Variants in PTPN1 observed in about 807,000 individuals in gnomAD.
PTPN1 encodes tyrosine-protein phosphatase non-receptor type 1.
Under a neutral mutation model 59.9 loss-of-function variants are expected in PTPN1, and 12 were observed. The observed-to-expected ratio is 0.20, with a 90% CI of 0.13 to 0.32. The LOEUF is 0.32. PTPN1 is among the 10% of genes least tolerant of loss of function. The pLI, the probability that PTPN1 is intolerant of heterozygous loss-of-function variation, is 1.00. For missense variants in PTPN1, 356 were observed against 549.2 expected (o/e 0.65, Z 3.52); for synonymous variants, 178 against 203.6 (o/e 0.87, Z 1.07).
chr20:50,577,771 A>C (rs1353178262), intron 5 of PTPN1: 1 of 152,370 alleles, frequency 6.6e-6, no homozygotes, highest in Non-Finnish European at 1.5e-5. Context: ...CTCATCGGAA[A>C]ATGGATGGGA....
chr20:50,512,605 GTT>G (rs1275852684), intron 1 of PTPN1, among the ~76,000 whole-genome samples: 1 of 152,160 alleles, frequency 6.6e-6, no homozygotes, highest in Non-Finnish European at 1.5e-5. Context: ...CCCTGAGGTA[GTT>G]TCTTTTGGTC....
chr20:50,556,258 G>A (rs2082725424), intron 1 of PTPN1, among the ~76,000 whole-genome samples: 1 of 151,946 alleles, frequency 6.6e-6, no homozygotes, highest in Non-Finnish European at 1.5e-5. Flanking sequence ...ATGTGTTTAT[G>A]GGTCACTGCA....
chr20:50,552,101 G>A (rs370859078), intron 1 of PTPN1, among the ~76,000 whole-genome samples: 1 of 152,138 alleles, frequency 6.6e-6, no homozygotes, highest in Non-Finnish European at 1.5e-5. Context: ...TAGCTCCCCT[G>A]TGATACAGTT....
At chr20:50,538,447 G>C (rs2082633692) in intron 1 of PTPN1, among the ~76,000 whole-genome samples, 1 of 152,196 alleles carries the variant, frequency 6.6e-6, no homozygotes. Flanking sequence ...AACTAGTTAG[G>C]TGTGACTGTC....
In PTPN1 at chr20:50,583,374, A is replaced by G. The variant is rs1470215207; in HGVS notation, c.*659A>G. ...ACGTGAGAAGATAGAACAATGCTAT[A>G]ATATATAATGAACACGTGGGTATTT... On this transcript the variant is annotated 3_prime_UTR_variant, in exon 10 of 10. Transcript: ENST00000371621. 6.6e-6 allele frequency: 1 copy of G among 152,420 alleles called. No homozygotes were observed. Among genetic ancestry groups the G allele is most frequent in the Non-Finnish European group, 1.5e-5 (1 of 68,196 alleles). 9.4% of individuals were successfully genotyped at this position (152,420 alleles called of 1,614,324 possible).
rs889407151 is a variant in PTPN1, at chr20:50,583,165, T to G, written c.*450T>G. On this transcript the variant is annotated 3_prime_UTR_variant, in exon 10 of 10. Transcript: ENST00000371621. ...CATCCATAGTGCACTAGCATTTTCT[T>G]GAACCAATAATGTATTAAAATTTTT... 6.0e-6 allele frequency: 1 copy of G among 166,684 alleles called. No homozygotes were observed. The highest frequency in any genetic ancestry group is 2.4e-5 in the African/African-American group (1 of 42,104). The allele number at this position is 166,684 out of a possible 1,614,324, so 10.3% of individuals were successfully genotyped here.
At position 50,584,251 on chromosome 20, in the gene PTPN1, C is replaced by G. The variant is rs2082885659; in HGVS notation, c.*1536C>G. On this transcript the variant is annotated 3_prime_UTR_variant, in exon 10 of 10. Coordinates refer to ENST00000371621, the MANE Select transcript of PTPN1 (RefSeq NM_002827.4). ...GTGGTGGGAACATTCGAGGTGTCAC[C>G]CTGCAGAGCTATGGTGAGGTGTGGA... The G allele has an allele frequency of 6.6e-6, 1 of 152,548 alleles. No individual in the cohort carries two copies. The highest frequency in any genetic ancestry group is 2.1e-4 in the South Asian group (1 of 4,826). 9.4% of individuals were successfully genotyped at this position (152,548 alleles called of 1,614,324 possible). A position where few individuals can be genotyped will look rare whatever the true frequency, so the allele number is the denominator to read the frequency against.
chr20:50,552,872 T>C (rs2082709158), intron 1 of PTPN1, among the ~76,000 whole-genome samples: 1 of 151,788 alleles, frequency 6.6e-6, no homozygotes, highest in African/African-American at 2.4e-5. Context: ...CTCCAAACAT[T>C]CCCATGGCTC....
chr20:50,524,579 T>TTTTTTTTTTTTTTTTTTTTTTTTG (rs2082565684), intron 1 of PTPN1, among the ~76,000 whole-genome samples: 1 of 127,150 alleles, frequency 7.9e-6, no homozygotes, highest in Non-Finnish European at 1.6e-5. Context: ...CTTTTTTTTT[T>TTTTTTTTTTTTTTTTTTTTTTTTG]TTTTTTTTTT....
chr20:50,515,376 T>C (rs965172865), intron 1 of PTPN1, among the ~76,000 whole-genome samples: 2 of 152,260 alleles, frequency 1.3e-5, no homozygotes, highest in African/African-American at 4.8e-5. Flanking sequence ...TTTTGTTCCG[T>C]CACCTGTGTG....
At chr20:50,522,000 G>A (rs74324467) in intron 1 of PTPN1, among the ~76,000 whole-genome samples, 3,455 of 152,280 alleles carry the variant, frequency 0.023, 114 homozygotes, top group African/African-American at 0.075. Context: ...CAAGCTTGAT[G>A]TTAATGTTAT....
At chr20:50,513,433 T>C (rs1398608579) in intron 1 of PTPN1, among the ~76,000 whole-genome samples, 1 of 152,184 alleles carries the variant, frequency 6.6e-6, no homozygotes, top group East Asian at 1.9e-4. Flanking sequence ...GAATAGCTCA[T>C]GTGCTCCCCT....
intron 1 of PTPN1, among the ~76,000 whole-genome samples, chr20:50,559,619 G>GT (rs1325155474): frequency 1.6e-4 from 22 of 133,930 alleles, no homozygotes; most frequent in African/African-American, 4.7e-4. Context: ...GTATTTTTTT[G>GT]TTTGCTAATT....
intron 3 of PTPN1, among the ~76,000 whole-genome samples, chr20:50,566,293 C>T (rs1194014380): frequency 6.6e-6 from 1 of 152,188 alleles, no homozygotes; most frequent in African/African-American, 2.4e-5. Flanking sequence ...GATTTCAGCC[C>T]TTCAACTCTG....
chr20:50,558,981 A>T (rs1223676287), intron 1 of PTPN1, among the ~76,000 whole-genome samples: 1 of 151,916 alleles, frequency 6.6e-6, no homozygotes, highest in East Asian at 1.9e-4. Flanking sequence ...ATTACTGGGA[A>T]AAGGGGGAGC....
chr20:50,539,268 T>G (rs1469071515), intron 1 of PTPN1, among the ~76,000 whole-genome samples: 1 of 152,114 alleles, frequency 6.6e-6, no homozygotes, highest in Non-Finnish European at 1.5e-5. Flanking sequence ...ACTCCCGACC[T>G]CAGGTGATCC....
At chr20:50,551,510 G>C (rs973074847) in intron 1 of PTPN1, among the ~76,000 whole-genome samples, 1 of 152,154 alleles carries the variant, frequency 6.6e-6, no homozygotes, top group Non-Finnish European at 1.5e-5. Flanking sequence ...TAAGCTTTGG[G>C]CACACCCAAG....
At chr20:50,520,810 T>G (rs111839056) in intron 1 of PTPN1, among the ~76,000 whole-genome samples, 131 of 152,316 alleles carry the variant, frequency 8.6e-4, no homozygotes, top group African/African-American at 3.0e-3. Flanking sequence ...GGGTTTGGGT[T>G]CTGACTCTGC....
At chr20:50,522,476 C>G (rs2082555597) in intron 1 of PTPN1, among the ~76,000 whole-genome samples, 1 of 152,184 alleles carries the variant, frequency 6.6e-6, no homozygotes, top group South Asian at 2.1e-4. Flanking sequence ...GTTGCTCTAC[C>G]TTATCCTCAT....
Sources: gnomAD v4.1 joint callset for allele counts (sites outside exome capture counted in the v4.1 genomes callset) on GRCh38, gnomAD v4.1.1 for gene constraint, MANE v1.5 for transcripts, NCBI Gene and HGNC (gene_info 2026-07-23, HGNC 2026-07-21) for gene names.